The following PTPRD variants were observed in gnomAD, a reference collection of about 807,000 sequenced individuals.
PTPRD encodes the protein receptor-type tyrosine-protein phosphatase delta.
PTPRD carries 34 observed loss-of-function variants against 214.5 expected under a neutral mutation model. The observed-to-expected ratio is 0.16, with a 90% CI of 0.12 to 0.21. The LOEUF (loss-of-function observed/expected upper bound fraction) is 0.21. Ranked by LOEUF, PTPRD falls within the 10% of genes least tolerant of loss-of-function variation. The pLI is 1.00. For synonymous variants in PTPRD, 1,128 were observed against 845.7 expected (o/e 1.33, Z -5.79); for missense variants, 2,545 against 2,398.7 (o/e 1.06, Z -1.27).
At chr9:8,608,210 A>T (rs1178194635) in intron 14 of PTPRD, among the ~76,000 whole-genome samples, 1 of 152,086 alleles carries the variant, frequency 6.6e-6, no homozygotes, top group Non-Finnish European at 1.5e-5. Flanking sequence ...ATTAACCCGG[A>T]TAATACAAAT....
intron 4 of PTPRD, among the ~76,000 whole-genome samples, chr9:10,009,816 C>T (rs1335040055): frequency 7.9e-5 from 12 of 151,830 alleles, no homozygotes; most frequent in Non-Finnish European, 1.3e-4. Flanking sequence ...GTAAAGCTCT[C>T]GTGTAACGCT....
intron 2 of PTPRD, among the ~76,000 whole-genome samples, chr9:10,515,505 T>C (rs2049772804): frequency 6.6e-6 from 1 of 152,040 alleles, no homozygotes; most frequent in Non-Finnish European, 1.5e-5. Flanking sequence ...TTAAATTTTT[T>C]CTTCATAGTT....
chr9:9,127,810 A>G (rs1400024052), intron 10 of PTPRD, among the ~76,000 whole-genome samples: 1 of 152,132 alleles, frequency 6.6e-6, no homozygotes, highest in Non-Finnish European at 1.5e-5. Context: ...ATATGAAGGA[A>G]AAAAAGAGGT....
chr9:8,962,751 G>C (rs543343792), intron 11 of PTPRD: 1 of 152,210 alleles, frequency 6.6e-6, no homozygotes, highest in Admixed American at 6.6e-5. Flanking sequence ...GGGGAATTTG[G>C]TTAGGATGAA....
At chr9:9,895,964 C>G (rs1223027324) in intron 5 of PTPRD, among the ~76,000 whole-genome samples, 1 of 152,054 alleles carries the variant, frequency 6.6e-6, no homozygotes, top group Non-Finnish European at 1.5e-5. Flanking sequence ...GCTAAACTTA[C>G]TCAGAGCATG....
intron 6 of PTPRD, among the ~76,000 whole-genome samples, chr9:9,745,779 T>C (rs1186418072): frequency 6.6e-6 from 1 of 152,106 alleles, no homozygotes; most frequent in Non-Finnish European, 1.5e-5. Context: ...TTTCAGTTTC[T>C]AAAGTGTGTT....
intron 12 of PTPRD, among the ~76,000 whole-genome samples, chr9:8,647,648 G>A (rs1033126): frequency 0.11 from 16,960 of 152,076 alleles, 976 homozygotes; most frequent in East Asian, 0.19. Flanking sequence ...ACTCCTACAT[G>A]TAAAATTACT....
At chr9:9,243,019 G>T (rs2131082824) in intron 9 of PTPRD, among the ~76,000 whole-genome samples, 1 of 152,182 alleles carries the variant, frequency 6.6e-6, no homozygotes, top group East Asian at 1.9e-4. Context: ...ATGGGGTTTT[G>T]GTGTGGATAT....
At chr9:8,863,602 T>A (rs1196380293) in intron 11 of PTPRD, among the ~76,000 whole-genome samples, 1 of 152,218 alleles carries the variant, frequency 6.6e-6, no homozygotes, top group African/African-American at 2.4e-5. Flanking sequence ...AACAAAATTG[T>A]GTATTGGTTT....
At position 8,733,914 on chromosome 9, in the gene PTPRD, G is replaced by C. The variant is rs1258342656; in HGVS notation, c.-71C>G. On this transcript the variant is annotated 5_prime_UTR_variant, in exon 12 of 46. It adds an upstream start codon to the 5' untranslated region. Transcript: ENST00000381196. Reference sequence around the variant, plus strand: ...CTCCGGAGCCGCAGCGAGTCTGTCCGATCTGAAATTTCAGCTGGAACACTT... The same window carrying C: ...CTCCGGAGCCGCAGCGAGTCTGTCCCATCTGAAATTTCAGCTGGAACACTT... 1 of 1,463,440 alleles carries C rather than the reference G, an allele frequency of 6.8e-7. No homozygotes were observed. Among genetic ancestry groups the C allele is most frequent in the Non-Finnish European group, 9.3e-7 (1 of 1,075,312 alleles). 90.7% of individuals were successfully genotyped at this position (1,463,440 alleles called of 1,614,324 possible).
intron 6 of PTPRD, among the ~76,000 whole-genome samples, chr9:9,740,015 G>A (rs925939528): frequency 6.6e-6 from 1 of 152,052 alleles, no homozygotes; most frequent in Non-Finnish European, 1.5e-5. Context: ...TGTACACAAA[G>A]CACTTACTCT....
intron 10 of PTPRD, among the ~76,000 whole-genome samples, chr9:9,135,796 T>A (rs530726570): frequency 1.2e-4 from 18 of 152,140 alleles, no homozygotes; most frequent in African/African-American, 4.1e-4. Context: ...AAAGATAGAA[T>A]AGCAGCTACA....
chr9:8,925,524 CAAAA>C (rs34721755), intron 11 of PTPRD, among the ~76,000 whole-genome samples: 19,129 of 149,636 alleles, frequency 0.13, 1,611 homozygotes, highest in South Asian at 0.18. Context: ...AGAAAACAAA[CAAAA>C]AAAACCAACT....
chr9:8,996,306 T>G (rs1369285909), intron 11 of PTPRD, among the ~76,000 whole-genome samples: 1 of 152,008 alleles, frequency 6.6e-6, no homozygotes, highest in Non-Finnish European at 1.5e-5. Flanking sequence ...AAAAATGAAC[T>G]ACTGATACAC....
chr9:9,000,536 G>C (rs1321871409), intron 11 of PTPRD, among the ~76,000 whole-genome samples: 1 of 151,912 alleles, frequency 6.6e-6, no homozygotes, highest in African/African-American at 2.4e-5. Flanking sequence ...CCTCTGCTAA[G>C]GATCTGCATC....
intron 5 of PTPRD, among the ~76,000 whole-genome samples, chr9:9,900,641 G>GTTTGGTTTTTTTTTT (rs1555302233): frequency 4.2e-5 from 5 of 120,086 alleles, no homozygotes; most frequent in African/African-American, 1.6e-4. Flanking sequence ...ACATTTTCAG[G>GTTTGGTTTTTTTTTT]TTTTTTTTTT....
intron 4 of PTPRD, among the ~76,000 whole-genome samples, chr9:9,976,628 T>A (rs565122776): frequency 7.7e-6 from 1 of 130,548 alleles, no homozygotes; most frequent in Admixed American, 9.2e-5. Context: ...CCTCAGGTGA[T>A]CCCCCGCCTT....
At chr9:8,435,182 C>T (rs2095291348) in intron 35 of PTPRD, among the ~76,000 whole-genome samples, 1 of 152,214 alleles carries the variant, frequency 6.6e-6, no homozygotes, top group South Asian at 2.1e-4. Context: ...TTTTCCAGCA[C>T]AGTAACTTAA....
intron 36 of PTPRD, among the ~76,000 whole-genome samples, chr9:8,403,779 C>T (rs1239054089): frequency 6.6e-6 from 1 of 152,164 alleles, no homozygotes; most frequent in African/African-American, 2.4e-5. Flanking sequence ...TTTATATTAA[C>T]CACCACATTA....
Sources: gnomAD v4.1 joint callset for allele counts (sites outside exome capture counted in the v4.1 genomes callset) on GRCh38, gnomAD v4.1.1 for gene constraint, MANE v1.5 for transcripts, NCBI Gene and HGNC (gene_info 2026-07-23, HGNC 2026-07-21) for gene names.